Variants in RNF19B observed in about 807,000 individuals in gnomAD.
The protein encoded by RNF19B is ring finger protein 19B, also known as E3 ubiquitin-protein ligase RNF19B.
A neutral mutation model predicts 65.5 loss-of-function variants in RNF19B; 23 were observed. The ratio of observed to expected loss-of-function variants is 0.35; its 90% confidence interval spans 0.25 to 0.50. The LOEUF (loss-of-function observed/expected upper bound fraction) is 0.50, where lower values mean the gene tolerates loss of function less well. RNF19B is among the 20% of genes least tolerant of loss of function. The pLI, the probability that RNF19B is intolerant of heterozygous loss-of-function variation, is 0.98. For missense variants in RNF19B, 794 were observed against 980.0 expected, an observed-to-expected ratio of 0.81 and a Z score of 2.53; for synonymous variants, 372 against 379.6, an observed-to-expected ratio of 0.98 and a Z score of 0.23.
intron 7 of RNF19B, among the ~76,000 whole-genome samples, chr1:32,940,387 G>A (rs980634871): frequency 3.9e-5 from 6 of 152,148 alleles, no homozygotes; most frequent in Admixed American, 1.3e-4. Context: ...AGGCACTCAG[G>A]TGGGAGATCC....
chr1:32,949,510 T>C, intron 2 of RNF19B, 59 bp downstream of exon 2: 1 of 1,448,562 alleles, frequency 6.9e-7, no homozygotes, highest in Non-Finnish European at 9.7e-7. Flanking sequence ...TTCTTTCAGC[T>C]ATGGGCTCAC....
chr1:32,933,268 TTTG>T (rs1342952640), downstream of RNF19B, among the ~76,000 whole-genome samples: 242 of 146,002 alleles, frequency 1.7e-3, 1 homozygote, highest in Admixed American at 9.8e-3. Flanking sequence ...TTTTTTTTTT[TTTG>T]TGAGACGGAG....
chr1:32,946,068 G>A (rs1399854622), intron 4 of RNF19B, among the ~76,000 whole-genome samples: 2 of 151,984 alleles, frequency 1.3e-5, no homozygotes, highest in Non-Finnish European at 2.9e-5. Flanking sequence ...GTTTTGTCAT[G>A]TTGCCCAGGC....
At chr1:32,950,718 A>G (rs532111943) in intron 1 of RNF19B, among the ~76,000 whole-genome samples, 2 of 151,674 alleles carry the variant, frequency 1.3e-5, no homozygotes, top group East Asian at 3.9e-4. Flanking sequence ...TGTAATTTGC[A>G]TAGAGATGGG....
intron 1 of RNF19B, among the ~76,000 whole-genome samples, chr1:32,955,577 A>T (rs969587236): frequency 1.6e-4 from 24 of 151,904 alleles, no homozygotes; most frequent in African/African-American, 5.6e-4. Context: ...AAAAAAAAAA[A>T]ATACAAAAAT....
chr1:32,941,131 T>C (rs1557565842), intron 7 of RNF19B, among the ~76,000 whole-genome samples: 3 of 151,730 alleles, frequency 2.0e-5, no homozygotes, highest in South Asian at 2.1e-4. Flanking sequence ...GCTGAGGTGG[T>C]AGGATTGCCT....
In RNF19B at chr1:32,944,131, A is replaced by G. The variant is rs1642308960; in HGVS notation, c.1290T>C (p.Tyr430=). ...GAGAAATGGGCACAACCCCATAAAC[A>G]TATGCCAGCATAATGGGGACACCAA... ...VGIGVPIMLA[Y]VYGVVPISLC... The change falls in exon 6 of 9, where the codon TAT becomes TAC. Residue 430 remains tyrosine, a synonymous_variant. Coordinates refer to ENST00000235150, the MANE Select transcript of RNF19B (RefSeq NM_001300826.2). The G allele has an allele frequency of 6.2e-7, 1 of 1,613,488 alleles. No individual in the cohort carries two copies. Among genetic ancestry groups the G allele is most frequent in the African/African-American group, 1.3e-5 (1 of 74,924 alleles).
chr1:32,938,605 T>G, intron 7 of RNF19B, 77 bp from the exon 8 acceptor site: 67 of 1,433,402 alleles, frequency 4.7e-5, no homozygotes, highest in Non-Finnish European at 5.9e-5. Flanking sequence ...CACACATCTC[T>G]TCCATTACTC....
rs1490366279 is a variant in RNF19B at position 32,964,502 on chromosome 1, G to C, written c.184C>G (p.Gln62Glu). The change falls in exon 1 of 9, where the codon CAG becomes GAG. Residue 62 changes from glutamine to glutamate, a missense_variant. By Grantham distance (29) the Gln-to-Glu change is conservative. Around this residue, in one of 3 missense-constraint regions of RNF19B, gnomAD observed 374 missense variants for 423.8 expected, o/e 0.88. Coordinates refer to ENST00000235150, the MANE Select transcript of RNF19B (RefSeq NM_001300826.2). This position sits in a 1 kb window ranked among gnomAD's most constrained non-coding sequence, Gnocchi z 6.5. ...PQAEPPPPAAQPPPAPAPAAA... is the reference protein window; with the variant it reads ...PQAEPPPPAAEPPPAPAPAAA... ...GCAGGGGCCGGGGCGGGCGGCGGCT[G>C]CGCAGCCGGGGGCGGCGGCTCGGCC... 65 of 951,440 alleles carry C rather than the reference G, an allele frequency of 6.8e-5. No homozygotes were observed. The highest frequency in any genetic ancestry group is 7.9e-5 in the Non-Finnish European group (63 of 801,960). 58.9% of individuals were successfully genotyped at this position (951,440 alleles called of 1,614,324 possible).
intron 6 of RNF19B, among the ~76,000 whole-genome samples, chr1:32,943,097 T>C (rs1227108910): frequency 6.7e-6 from 1 of 148,344 alleles, no homozygotes; most frequent in African/African-American, 2.5e-5. Context: ...GCCAGGACCA[T>C]GCCACTGCAC....
At chr1:32,935,940 G>A (rs1282522126), downstream of RNF19B, among the ~76,000 whole-genome samples, 2 of 152,026 alleles carry the variant, frequency 1.3e-5, no homozygotes, top group Non-Finnish European at 2.9e-5. Context: ...ATAGAGGCGT[G>A]GTTTCACCAT....
rs369736730 is a variant in RNF19B at position 32,937,161 on chromosome 1, T to C, written c.1841A>G (p.His614Arg). The stretch of plus-strand genomic sequence containing the variant: ...TTCTTCATTCTCTGCCATCTGAGCA[T>C]GAACATGGAGCGAGTCCTCCGTGCT... ...GSSTEDSLHVHAQMAENEEEG... is the reference protein window; with the variant it reads ...GSSTEDSLHVRAQMAENEEEG... The change falls in exon 9 of 9, where the codon CAT becomes CGT. Residue 614 changes from histidine (H) to arginine (R), a missense_variant. This residue lies in a region of RNF19B where 368 missense variants were observed against 447.3 expected (regional missense o/e 0.82). Coordinates refer to ENST00000235150, the MANE Select transcript of RNF19B (RefSeq NM_001300826.2). 9 of 1,614,190 alleles carry C rather than the reference T, an allele frequency of 5.6e-6. No individual in the cohort carries two copies. The highest frequency in any genetic ancestry group is 5.9e-6 in the Non-Finnish European group (7 of 1,180,036).
rs1295777535 is a variant in RNF19B, at chr1:32,938,994, TTC to T, written c.1611-468_1611-467del. On this transcript the variant is annotated intron_variant, in intron 7 of 8. Transcript: ENST00000235150. ...CGAAATCATAGTCACTCTGAATTCT[TTC>T]TTTCTTTAAATACCTATACATTTTA... Among the ~76,000 whole-genome samples, 7 of 151,844 alleles carry T rather than the reference TTC, an allele frequency of 4.6e-5. No individual in the cohort carries two copies. In the East Asian group the frequency reaches 1.2e-3, roughly 25 times the overall value.
At chr1:32,951,528 G>C (rs967636583) in intron 1 of RNF19B, among the ~76,000 whole-genome samples, 2 of 152,248 alleles carry the variant, frequency 1.3e-5, no homozygotes, top group African/African-American at 4.8e-5. Flanking sequence ...CCAACAAGCA[G>C]TCAGGCAGTT....
chr1:32,937,632 C>G (rs1289505757), intron 8 of RNF19B, among the ~76,000 whole-genome samples: 1 of 151,916 alleles, frequency 6.6e-6, no homozygotes, highest in African/African-American at 2.4e-5. Context: ...TCACTTGAAC[C>G]CAGGAGTTCA....
chr1:32,941,867 G>A (rs1642241499), intron 7 of RNF19B, among the ~76,000 whole-genome samples: 1 of 152,068 alleles, frequency 6.6e-6, no homozygotes, highest in South Asian at 2.1e-4. Context: ...GGAGGCCAAG[G>A]CGGGCGGATC....
chr1:32,946,350 A>T, intron 4 of RNF19B, 52 bp downstream of exon 4: 3 of 1,547,688 alleles, frequency 1.9e-6, no homozygotes, highest in Middle Eastern at 1.9e-4. Context: ...TCAAACCTTT[A>T]CTAACGAACC....
intron 1 of RNF19B, among the ~76,000 whole-genome samples, chr1:32,959,254 T>C (rs1372831932): frequency 1.3e-5 from 2 of 152,186 alleles, no homozygotes; most frequent in African/African-American, 4.8e-5. Context: ...GTGGTGGACC[T>C]GCACAAAGAA....
At chr1:32,957,660 CCT>C (rs1274910059) in intron 1 of RNF19B, among the ~76,000 whole-genome samples, 1 of 152,132 alleles carries the variant, frequency 6.6e-6, no homozygotes, top group Non-Finnish European at 1.5e-5. Context: ...ATGGTGAAAC[CCT>C]GTTTCTACTA....
Sources: gnomAD v4.1 joint callset for allele counts (sites outside exome capture counted in the v4.1 genomes callset) on GRCh38, gnomAD v4.1.1 for gene constraint, gnomAD v4.1.1 regional missense constraint, Gnocchi (gnomAD v3.1) non-coding constraint, MANE v1.5 for transcripts, NCBI Gene and HGNC (gene_info 2026-07-23, HGNC 2026-07-21) for gene names.